TAOK3: variants seen among roughly 807,000 people sequenced by gnomAD.
TAOK3 encodes the protein serine/threonine-protein kinase TAO3.
In TAOK3, 40 loss-of-function variants were observed where a neutral mutation model predicts 120.4. The ratio of observed to expected loss-of-function variants is 0.33; its 90% CI spans 0.26 to 0.43. TAOK3 has a LOEUF of 0.43. Ranked by LOEUF, TAOK3 falls within the 20% of genes least tolerant of loss-of-function variation. The probability of loss-of-function intolerance (pLI) is 1.00; values close to 1 mark genes in which losing one functional copy is unlikely to be tolerated. For synonymous variants in TAOK3, 355 were observed against 387.5 expected (o/e 0.92, Z 0.99); for missense variants, 821 against 1,112.1 (o/e 0.74, Z 3.72).
chr12:118,196,064 A>C (rs2037710377), intron 13 of TAOK3, among the ~76,000 whole-genome samples: 1 of 149,620 alleles, frequency 6.7e-6, no homozygotes, highest in Admixed American at 6.7e-5. Flanking sequence ...TAAATAAATA[A>C]ATAAATAAAT....
chr12:118,198,793 A>G (rs2037874958), intron 13 of TAOK3: 1 of 490,564 alleles, frequency 2.0e-6, no homozygotes, highest in Admixed American at 3.3e-5. Context: ...TTAGAGAAGG[A>G]CTTATCAAAT....
At chr12:118,272,743 G>A (rs116862298) in intron 1 of TAOK3, among the ~76,000 whole-genome samples, 29 of 151,772 alleles carry the variant, frequency 1.9e-4, no homozygotes, top group East Asian at 1.2e-3. Flanking sequence ...GACCGAGGTG[G>A]GAGGGTTGCT....
At chr12:118,302,174 ACCTGTACTAT>A (rs1439491670) in intron 1 of TAOK3, among the ~76,000 whole-genome samples, 1 of 152,146 alleles carries the variant, frequency 6.6e-6, no homozygotes, top group Non-Finnish European at 1.5e-5. Context: ...AATCAGGGTG[ACCTGTACTAT>A]CCACACCTTA....
chr12:118,218,799 C>A (rs1216679103), intron 9 of TAOK3, among the ~76,000 whole-genome samples: 1 of 151,864 alleles, frequency 6.6e-6, no homozygotes, highest in Non-Finnish European at 1.5e-5. Flanking sequence ...ACTAAAAATA[C>A]AAAATTAGCC....
intron 3 of TAOK3, among the ~76,000 whole-genome samples, chr12:118,253,894 C>G (rs573333293): frequency 3.3e-5 from 5 of 152,044 alleles, no homozygotes; most frequent in Non-Finnish European, 7.4e-5. Flanking sequence ...ACTAAAAATA[C>G]AAAAATTAGC....
intron 9 of TAOK3, among the ~76,000 whole-genome samples, chr12:118,223,139 G>T (rs561387342): frequency 7.9e-4 from 113 of 143,904 alleles, no homozygotes; most frequent in Non-Finnish European, 1.5e-3. Context: ...GCGTGATCTC[G>T]GCTCACTGCA....
chr12:118,314,402 A>G (rs1466330942), intron 1 of TAOK3, among the ~76,000 whole-genome samples: 4 of 152,226 alleles, frequency 2.6e-5, no homozygotes, highest in African/African-American at 9.6e-5. Flanking sequence ...TAATAACTCT[A>G]AAACAATATC....
chr12:118,320,981 C>T (rs1418513883), intron 1 of TAOK3, among the ~76,000 whole-genome samples: 2 of 152,078 alleles, frequency 1.3e-5, no homozygotes, highest in African/African-American at 2.4e-5. Context: ...TACTAAAGTA[C>T]TGTTAAGTAA....
At chr12:118,326,285 C>T (rs1056296570) in intron 1 of TAOK3, among the ~76,000 whole-genome samples, 3 of 152,030 alleles carry the variant, frequency 2.0e-5, no homozygotes, top group African/African-American at 7.2e-5. Context: ...AATGTATTTT[C>T]TTGCCACCTT....
chr12:118,198,913 GA>G (rs759148666), intron 13 of TAOK3, 137 bp downstream of exon 13: 15 of 844,616 alleles, frequency 1.8e-5, no homozygotes, highest in Non-Finnish European at 2.9e-5. Flanking sequence ...TTGACTGTAA[GA>G]AAACTGTCAC....
In TAOK3 at chr12:118,244,924, C is replaced by T. The variant is rs551685375; in HGVS notation, c.162G>A (p.Lys54=). 2.5e-6 allele frequency: 4 copies of T among 1,609,946 alleles called. No individual in the cohort carries two copies. The South Asian group carries it at 4.4e-5, about 18-fold the overall frequency. The change falls in exon 4 of 21, where the codon AAG becomes AAA. Residue 54 remains lysine (K), a synonymous_variant. Coordinates refer to ENST00000392533, the MANE Select transcript of TAOK3 (RefSeq NM_016281.4). The part of the protein sequence containing the change: ...AHTSEVVAIK[K]MSYSGKQTHE... ...GGGTCTGCTTCCCACTATAGGACAT[C>T]TTCTTAATTGCCACCACCTCACTGG...
At chr12:118,320,304 C>T (rs923314299) in intron 1 of TAOK3, among the ~76,000 whole-genome samples, 5 of 151,914 alleles carry the variant, frequency 3.3e-5, no homozygotes, top group African/African-American at 4.8e-5. Flanking sequence ...CAAGTTTCTA[C>T]GAGTAGCCGG....
chr12:118,255,634 T>C lies in TAOK3; in HGVS notation c.-67A>G. On this transcript the variant is annotated 5_prime_UTR_variant, in exon 3 of 21. Transcript: ENST00000392533. ...CTTTATTTCTCATTGACAATTTTTT[T>C]TGGGGGGTAAATCTTCAGTACCTGT... is the stretch of plus-strand genomic sequence containing the variant. The C allele has an allele frequency of 4.6e-6, 7 of 1,515,404 alleles. No homozygotes were observed. The highest frequency in any genetic ancestry group is 6.2e-6 in the Non-Finnish European group (7 of 1,126,362). 93.9% of individuals were successfully genotyped at this position (1,515,404 alleles called of 1,614,324 possible).
At chr12:118,276,686 A>G (rs1008659595) in intron 1 of TAOK3, among the ~76,000 whole-genome samples, 4 of 150,842 alleles carry the variant, frequency 2.7e-5, no homozygotes, top group African/African-American at 9.8e-5. Context: ...TGGGCAACAC[A>G]GCGAGACTCC....
intron 9 of TAOK3, among the ~76,000 whole-genome samples, chr12:118,215,626 G>A (rs1370161321): frequency 6.6e-6 from 1 of 152,170 alleles, no homozygotes; most frequent in Admixed American, 6.5e-5. Flanking sequence ...AGGGGTGACA[G>A]TAGAGAGAGA....
In TAOK3 at chr12:118,161,949, C is replaced by G; in HGVS notation, c.1978G>C (p.Glu660Gln). The change falls in exon 18 of 21, where the codon GAG (glutamate) becomes CAG (glutamine). Residue 660 changes from glutamate to glutamine, a missense_variant. Glu to Gln is a conservative substitution (Grantham distance 29, BLOSUM62 2). Coordinates refer to ENST00000392533, the MANE Select transcript of TAOK3 (RefSeq NM_016281.4). This position sits in a 1 kb window ranked among gnomAD's most constrained non-coding sequence, Gnocchi z 4.5. ...IRHDESTREL[E>Q]YRQLHTLQKL... ...TGTAACGTGTGCAGCTGCCTGTACT[C>G]TAGCTCTCGGGTGGACTCGTCGTGC... 1.2e-6 allele frequency: 2 copies of G among 1,614,180 alleles called. No individual in the cohort carries two copies. Among genetic ancestry groups the G allele is most frequent in the Non-Finnish European group, 1.7e-6 (2 of 1,180,040 alleles).
intron 1 of TAOK3, among the ~76,000 whole-genome samples, chr12:118,304,058 C>T (rs1009278015): frequency 5.3e-5 from 8 of 152,222 alleles, no homozygotes; most frequent in African/African-American, 1.9e-4. Flanking sequence ...TGAAGAGAGT[C>T]TGGCACTGTT....
chr12:118,203,179 C>T (rs182693747), intron 11 of TAOK3, among the ~76,000 whole-genome samples: 5 of 152,024 alleles, frequency 3.3e-5, no homozygotes, highest in East Asian at 1.9e-4. Flanking sequence ...TTTCTGTGGC[C>T]GTATAGTGTA....
chr12:118,280,620 A>G (rs532343140), intron 1 of TAOK3, among the ~76,000 whole-genome samples: 1 of 152,272 alleles, frequency 6.6e-6, no homozygotes, highest in East Asian at 1.9e-4. Flanking sequence ...AAGTCTCGTA[A>G]CAGGTAATGT....
Sources: gnomAD v4.1 joint callset for allele counts (sites outside exome capture counted in the v4.1 genomes callset) on GRCh38, gnomAD v4.1.1 for gene constraint, Gnocchi (gnomAD v3.1) non-coding constraint, MANE v1.5 for transcripts, NCBI Gene and HGNC (gene_info 2026-07-23, HGNC 2026-07-21) for gene names.